The following KIF13A variants were observed in gnomAD, a reference collection of about 807,000 sequenced individuals.
KIF13A encodes the protein kinesin family member 13A, also known as kinesin-like protein KIF13A.
Under a neutral mutation model 212.2 loss-of-function variants are expected in KIF13A, and 79 were observed. That is an observed-to-expected ratio of 0.37 (90% CI 0.31 to 0.45). The LOEUF (loss-of-function observed/expected upper bound fraction) is 0.45, where lower values mean the gene tolerates loss of function less well. KIF13A is among the 20% of genes least tolerant of loss of function. The pLI is 1.00. For missense variants in KIF13A, 1,901 were observed against 2,209.0 expected, an observed-to-expected ratio of 0.86 and a Z score of 2.79; for synonymous variants, 789 against 808.6, an observed-to-expected ratio of 0.98 and a Z score of 0.41.
intron 2 of KIF13A, among the ~76,000 whole-genome samples, chr6:17,923,609 A>AC (rs1452035405): frequency 6.6e-6 from 1 of 151,630 alleles, no homozygotes; most frequent in Non-Finnish European, 1.5e-5. Context: ...TATTGGGGTG[A>AC]CCCTCTTCAC....
At position 17,828,406 on chromosome 6, in the gene KIF13A, T is replaced by A. The variant is rs759661569; in HGVS notation, c.1402-36A>T. On this transcript the variant is annotated intron_variant, in intron 13 of 38. Coordinates refer to ENST00000259711, the MANE Select transcript of KIF13A (RefSeq NM_022113.6). This position sits in a 1 kb window ranked among gnomAD's most constrained non-coding sequence, Gnocchi z 4.3. Reference sequence around the variant, plus strand: ...ATTATTAAGGAAAGAAAAACCCACATTTATGAGTAACTCAGCAAAAATGTA... The same window carrying A: ...ATTATTAAGGAAAGAAAAACCCACAATTATGAGTAACTCAGCAAAAATGTA... 1 of 1,586,950 alleles carries A rather than the reference T, an allele frequency of 6.3e-7. No homozygotes were observed. Among genetic ancestry groups the A allele is most frequent in the South Asian group, 1.2e-5 (1 of 86,696 alleles).
At position 17,800,845 on chromosome 6, in the gene KIF13A, C is replaced by T. The variant is rs1460225658; in HGVS notation, c.2455-732G>A. On this transcript the variant is annotated intron_variant, in intron 20 of 38. Transcript: ENST00000259711. ...CGGACTCCTGACCTCATGATCCACC[C>T]GCCTCGGCCTCCCAAAGTGCTGGGA... Among the ~76,000 whole-genome samples the T allele has an allele frequency of 4.6e-5, 7 of 151,362 alleles. No homozygotes were observed. In the East Asian group the frequency reaches 5.9e-4, roughly 13 times the overall value.
At chr6:17,935,542 T>C (rs975426928) in intron 2 of KIF13A, among the ~76,000 whole-genome samples, 8 of 152,194 alleles carry the variant, frequency 5.3e-5, no homozygotes, top group African/African-American at 1.9e-4. Flanking sequence ...GACTCTAACA[T>C]GTAGCCAGTG....
chr6:17,986,931 C>A, intron 2 of KIF13A, 123 bp downstream of exon 2: 1 of 639,054 alleles, frequency 1.6e-6, no homozygotes. Flanking sequence ...CAAACAGGAG[C>A]CGGCGACAAA....
chr6:17,760,768 A>G, downstream of KIF13A: 5 of 1,355,650 alleles, frequency 3.7e-6, no homozygotes, highest in South Asian at 5.8e-5. Flanking sequence ...AGGCGGCAGC[A>G]TGTTTTAGAG....
chr6:17,975,559 T>C (rs555687490), intron 2 of KIF13A, among the ~76,000 whole-genome samples: 9 of 152,226 alleles, frequency 5.9e-5, no homozygotes, highest in East Asian at 3.9e-4. Flanking sequence ...AAAAAAAGCT[T>C]CCAGTACAGA....
intron 17 of KIF13A, among the ~76,000 whole-genome samples, chr6:17,810,733 C>T (rs1763362459): frequency 6.6e-6 from 1 of 152,160 alleles, no homozygotes; most frequent in Non-Finnish European, 1.5e-5. Context: ...GATCATCAGG[C>T]TTCAGACTCT....
At chr6:17,948,665 G>A (rs1253839842) in intron 2 of KIF13A, among the ~76,000 whole-genome samples, 11 of 144,568 alleles carry the variant, frequency 7.6e-5, no homozygotes, top group African/African-American at 2.0e-4. Context: ...AGGTTCAAGC[G>A]ATTCTCTGCA....
chr6:17,940,440 T>C (rs1450604662), intron 2 of KIF13A, among the ~76,000 whole-genome samples: 2 of 152,198 alleles, frequency 1.3e-5, no homozygotes, highest in African/African-American at 2.4e-5. Flanking sequence ...TAATTTTACA[T>C]ATGGTAGGAA....
At chr6:17,942,769 G>C (rs1242808159) in intron 2 of KIF13A, among the ~76,000 whole-genome samples, 1 of 152,064 alleles carries the variant, frequency 6.6e-6, no homozygotes, top group Non-Finnish European at 1.5e-5. Flanking sequence ...CCTGAGGTCA[G>C]GAGTTCGAGA....
At chr6:17,932,630 T>C (rs1272570822) in intron 2 of KIF13A, among the ~76,000 whole-genome samples, 2 of 152,168 alleles carry the variant, frequency 1.3e-5, no homozygotes, top group African/African-American at 2.4e-5. Flanking sequence ...ACACCGGAAC[T>C]GTCACCTCAA....
At position 17,843,903 on chromosome 6, in the gene KIF13A, A is replaced by T. The variant is rs898416527; in HGVS notation, c.830+5474T>A. 2.0e-5 allele frequency among the ~76,000 whole-genome samples: 3 copies of T among 151,914 alleles called. No homozygotes were observed. The highest frequency in any genetic ancestry group is 7.2e-5 in the African/African-American group (3 of 41,414). On this transcript the variant is annotated intron_variant, in intron 9 of 38. Coordinates refer to ENST00000259711, the MANE Select transcript of KIF13A (RefSeq NM_022113.6). This position sits in a 1 kb window ranked among gnomAD's most constrained non-coding sequence, Gnocchi z 5.3. ...CTACTAAAAATACAAAAATTAACTG[A>T]GCGTGGTGGCGCACGCCTATAATCC... is the stretch of plus-strand genomic sequence containing the variant.
At chr6:17,923,009 C>T (rs1021257555) in intron 2 of KIF13A, among the ~76,000 whole-genome samples, 4 of 151,822 alleles carry the variant, frequency 2.6e-5, no homozygotes, top group African/African-American at 7.3e-5. Flanking sequence ...TGGTGGTTCA[C>T]GCCTCTAATC....
chr6:17,773,517 C>T lies in KIF13A; in HGVS notation c.4285G>A (p.Gly1429Arg), dbSNP rs751030387. ...CGAGGAGAATCCCTGGGTAAAGTTC[C>T]ATAACATGCTACATCTTGGTAACTG... is the stretch of plus-strand genomic sequence containing the variant. The part of the protein sequence containing the change: ...SSSYQDVACY[G>R]TLPRDSPRRN... The change falls in exon 36 of 39, where the codon GGA (glycine) becomes AGA (arginine). Residue 1429 changes from glycine (G) to arginine (R), a missense_variant. Transcript: ENST00000259711. This position sits in a 1 kb window ranked among gnomAD's most constrained non-coding sequence, Gnocchi z 4.2. 82 of 1,611,396 alleles carry T rather than the reference C, an allele frequency of 5.1e-5. No individual in the cohort carries two copies. The highest frequency in any genetic ancestry group is 6.8e-5 in the Non-Finnish European group (80 of 1,178,074).
At chr6:17,936,123 G>A (rs1776438406) in intron 2 of KIF13A, among the ~76,000 whole-genome samples, 1 of 152,130 alleles carries the variant, frequency 6.6e-6, no homozygotes, top group African/African-American at 2.4e-5. Flanking sequence ...CAGGGAGAGG[G>A]CTGAGCCTCT....
chr6:17,862,019 T>G (rs866194253), intron 4 of KIF13A, among the ~76,000 whole-genome samples: 1 of 152,222 alleles, frequency 6.6e-6, no homozygotes, highest in Non-Finnish European at 1.5e-5. Flanking sequence ...TGTTATTATT[T>G]ATTTTAGTTA....
At chr6:17,962,778 T>G (rs1363773425) in intron 2 of KIF13A, among the ~76,000 whole-genome samples, 6 of 150,188 alleles carry the variant, frequency 4.0e-5, no homozygotes, top group Non-Finnish European at 7.4e-5. Flanking sequence ...ACATTGGAGG[T>G]GTAACACAGC....
Position 17,804,493 on chromosome 6 carries a change from T to G in KIF13A, c.2322A>C (p.Gly774=), listed in dbSNP as rs1480211189. 1.3e-6 allele frequency: 2 copies of G among 1,598,848 alleles called. No individual in the cohort carries two copies. The highest frequency in any genetic ancestry group is 8.5e-7 in the Non-Finnish European group (1 of 1,172,050). Residue 774 remains glycine, a synonymous_variant, in exon 20 of 39, where the codon GGA becomes GGC. Transcript: ENST00000259711. ...EKVPEAKRLY[G]KRGDPFYEAQ... is the part of the protein sequence containing the mutation. The stretch of plus-strand genomic sequence containing the variant: ...CTTCATAGAAAGGGTCACCTCGTTT[T>G]CCGTAGAGTCTCTTTGCCTGAGAAG...
chr6:17,859,917 T>C (rs147866856), intron 4 of KIF13A, among the ~76,000 whole-genome samples: 70 of 151,816 alleles, frequency 4.6e-4, no homozygotes, highest in African/African-American at 1.6e-3. Flanking sequence ...TTACATGTTC[T>C]ATATTATTGA....
Sources: allele counts gnomAD v4.1 joint callset (sites outside exome capture counted in the v4.1 genomes callset), GRCh38; gene constraint gnomAD v4.1.1; non-coding constraint Gnocchi (gnomAD v3.1); transcripts MANE v1.5; gene names NCBI Gene and HGNC (gene_info 2026-07-23, HGNC 2026-07-21).